The following NBAS variants were observed in gnomAD, a reference collection of about 807,000 sequenced individuals.
NBAS encodes the protein NAG/BC035112 fusion.
Under a neutral mutation model 302.5 loss-of-function variants are expected in NBAS, and 219 were observed. That is an observed-to-expected ratio of 0.72 (90% CI 0.65 to 0.81). The LOEUF is 0.81. NBAS is among the 30% of genes least tolerant of loss of function. The pLI is 0.00. For missense variants in NBAS, 2,932 were observed against 2,841.6 expected (o/e 1.03, Z -0.72); for synonymous variants, 1,118 against 1,021.6 (o/e 1.09, Z -1.80).
At chr2:15,324,519 A>G (rs1671972892) in intron 38 of NBAS, among the ~76,000 whole-genome samples, 1 of 152,026 alleles carries the variant, frequency 6.6e-6, no homozygotes, top group Non-Finnish European at 1.5e-5. Context: ...TCCAAGTCAA[A>G]TATCGGCTGC....
At chr2:14,915,865 T>C in the NBAS span, among the ~76,000 whole-genome samples, 1 of 152,132 alleles carries the variant, frequency 6.6e-6, no homozygotes, top group Non-Finnish European at 1.5e-5. Context: ...TGGCCTCTGA[T>C]GGTTTTAAAA....
the NBAS span, among the ~76,000 whole-genome samples, chr2:14,819,327 A>G: frequency 6.6e-6 from 1 of 152,234 alleles, no homozygotes; most frequent in Non-Finnish European, 1.5e-5. Context: ...CTAGAAGACC[A>G]GAAGGAGTGT....
At chr2:15,162,212 T>A (rs1170165485), downstream of NBAS, among the ~76,000 whole-genome samples, 1 of 152,200 alleles carries the variant, frequency 6.6e-6, no homozygotes, top group Admixed American at 6.5e-5. Flanking sequence ...AGGCGCGTTG[T>A]TTGTCAAGAC....
At chr2:15,224,878 C>T (rs1037768099) in intron 47 of NBAS, among the ~76,000 whole-genome samples, 2 of 152,166 alleles carry the variant, frequency 1.3e-5, no homozygotes, top group African/African-American at 2.4e-5. Flanking sequence ...ACATATGCAG[C>T]GGGTGGGGCA....
At chr2:15,419,190 G>T (rs1043516437) in intron 23 of NBAS, among the ~76,000 whole-genome samples, 2 of 152,166 alleles carry the variant, frequency 1.3e-5, no homozygotes, top group Admixed American at 1.3e-4. Context: ...TATTCCTGAA[G>T]ACATACAAGA....
At chr2:15,269,627 A>T (rs1355847906) in intron 44 of NBAS, among the ~76,000 whole-genome samples, 1 of 152,232 alleles carries the variant, frequency 6.6e-6, no homozygotes, top group Non-Finnish European at 1.5e-5. Flanking sequence ...TTAATGAATG[A>T]GATTTTTTAA....
At chr2:14,896,564 A>G in the NBAS span, among the ~76,000 whole-genome samples, 1 of 152,012 alleles carries the variant, frequency 6.6e-6, no homozygotes, top group South Asian at 2.1e-4. Flanking sequence ...TAAGAAACAC[A>G]CTGCAGAGTT....
the NBAS span, among the ~76,000 whole-genome samples, chr2:14,953,338 T>G: frequency 6.6e-6 from 1 of 152,112 alleles, no homozygotes; most frequent in Admixed American, 6.5e-5. Flanking sequence ...AGAACAGGTG[T>G]TTGAAGATGA....
At chr2:14,858,194 C>G in the NBAS span, among the ~76,000 whole-genome samples, 3 of 151,996 alleles carry the variant, frequency 2.0e-5, no homozygotes, top group Non-Finnish European at 4.4e-5. Flanking sequence ...GAAAGGGAAC[C>G]CTTGTACACT....
the NBAS span, among the ~76,000 whole-genome samples, chr2:14,812,064 G>A: frequency 6.6e-6 from 1 of 152,136 alleles, no homozygotes; most frequent in East Asian, 1.9e-4. Context: ...CATTGGCTAG[G>A]GCACTGGGAT....
At chr2:15,074,360 TGGAA>T in the NBAS span, among the ~76,000 whole-genome samples, 4 of 102,606 alleles carry the variant, frequency 3.9e-5, no homozygotes, top group Non-Finnish European at 7.4e-5. Flanking sequence ...GAAGGAAGGA[TGGAA>T]GGAAGGATGG....
chr2:15,276,961 T>C lies in NBAS; in HGVS notation c.5279A>G (p.Gln1760Arg), dbSNP rs748652333. ...TIGGFDHERL[Q>R]YYFTLLENCG... ...GTTTTCCAGAAGAGTGAAATAATAC[T>C]GCAGCCTTTCGTGATCAAAGCCACC... Residue 1760 changes from glutamine (Q) to arginine (R), a missense_variant, in exon 43 of 52, where the codon CAG becomes CGG. Physicochemically the swap from Gln to Arg is conservative, Grantham distance 43. Transcript: ENST00000281513. 3 of 1,614,098 alleles carry C rather than the reference T, an allele frequency of 1.9e-6. No individual in the cohort carries two copies. Among genetic ancestry groups the C allele is most frequent in the Non-Finnish European group, 2.5e-6 (3 of 1,179,980 alleles).
At chr2:15,561,107 C>T (rs1236194248) in intron 1 of NBAS, 81 bp downstream of exon 1, 24 of 1,262,734 alleles carry the variant, frequency 1.9e-5, no homozygotes, top group Non-Finnish European at 2.8e-5. Flanking sequence ...TCTCCACTCC[C>T]CTACGTGGCT....
At chr2:15,513,658 G>A (rs550623129) in intron 9 of NBAS, among the ~76,000 whole-genome samples, 1 of 151,040 alleles carries the variant, frequency 6.6e-6, no homozygotes, top group South Asian at 2.1e-4. Context: ...AAGAGCAACA[G>A]ACAGAAGGAG....
chr2:15,422,559 A>C (rs536262301), intron 23 of NBAS, among the ~76,000 whole-genome samples: 10 of 152,062 alleles, frequency 6.6e-5, no homozygotes, highest in East Asian at 5.8e-4. Context: ...AAAAAAAAAA[A>C]CCCACAGCTT....
chr2:15,114,998 G>T, the NBAS span, among the ~76,000 whole-genome samples: 1 of 152,204 alleles, frequency 6.6e-6, no homozygotes, highest in African/African-American at 2.4e-5. Context: ...TGCCTGTCAT[G>T]TAAGCATGGC....
chr2:15,188,811 A>C (rs887283380), intron 49 of NBAS, among the ~76,000 whole-genome samples: 16 of 152,244 alleles, frequency 1.1e-4, no homozygotes, highest in African/African-American at 3.9e-4. Flanking sequence ...ACTAAAGTTA[A>C]TCTCTTAGAG....
chr2:14,847,937 G>A, the NBAS span, among the ~76,000 whole-genome samples: 33 of 152,268 alleles, frequency 2.2e-4, no homozygotes, highest in Non-Finnish European at 4.3e-4. Context: ...CATCTTCTCT[G>A]ACCACAATGG....
intron 17 of NBAS, among the ~76,000 whole-genome samples, chr2:15,468,139 T>C (rs1185333785): frequency 1.1e-5 from 1 of 89,582 alleles, no homozygotes; most frequent in African/African-American, 3.8e-5. Context: ...CTTAAGGTCT[T>C]CAAATGGTAG....
Sources: gnomAD v4.1 joint callset for allele counts (sites outside exome capture counted in the v4.1 genomes callset) on GRCh38, gnomAD v4.1.1 for gene constraint, MANE v1.5 for transcripts, NCBI Gene and HGNC (gene_info 2026-07-23, HGNC 2026-07-21) for gene names.